GNRH1: variants seen among roughly 807,000 people sequenced by gnomAD.
GNRH1 encodes gonadotropin releasing hormone 1.
In GNRH1, 9 loss-of-function variants were observed where a neutral mutation model predicts 13.6. The ratio of observed to expected loss-of-function variants is 0.66; its 90% CI spans 0.40 to 1.15. The LOEUF (loss-of-function observed/expected upper bound fraction) is 1.15, where lower values mean the gene tolerates loss of function less well. GNRH1 is among the 50% of genes most tolerant of loss of function. The pLI is 0.01. For missense variants in GNRH1, 116 were observed against 110.8 expected, an observed-to-expected ratio of 1.05 and a Z score of -0.21; for synonymous variants, 44 against 40.1, an observed-to-expected ratio of 1.10 and a Z score of -0.37.
chr8:25,419,569 G>A lies in GNRH1; in HGVS notation c.238-109C>T. ...CAGTCTGGAAGGAATTGGTCTGTTT[G>A]ATTTTGTGCTCTAGTTAGTGCTAGG... On this transcript the variant is annotated intron_variant, in intron 3 of 3. Coordinates refer to ENST00000421054, the MANE Select transcript of GNRH1 (RefSeq NM_001083111.2). The A allele has an allele frequency of 1.7e-5, 12 of 726,196 alleles. No individual in the cohort carries two copies. In the South Asian group the frequency reaches 1.7e-4, roughly 10 times the overall value. The allele number at this position is 726,196 out of a possible 1,614,324, so 45.0% of individuals were successfully genotyped here.
rs764167821 is a variant in GNRH1, at chr8:25,419,392, A to G, written c.*27T>C. 1 of 1,244,594 alleles carries G rather than the reference A, an allele frequency of 8.0e-7. No individual in the cohort carries two copies. The highest frequency in any genetic ancestry group is 1.2e-6 in the Non-Finnish European group (1 of 842,446). The allele number at this position is 1,244,594 out of a possible 1,614,324, so 77.1% of individuals were successfully genotyped here. ...GAATTATACTTAAGTCATGTTAGTA[A>G]TGGTCATTCCTTCTGGCCCAATGGA... On this transcript the variant is annotated 3_prime_UTR_variant, in exon 4 of 4. Transcript: ENST00000421054.
chr8:25,422,708 C>A (rs1801789051), intron 2 of GNRH1, among the ~76,000 whole-genome samples: 2 of 152,088 alleles, frequency 1.3e-5, no homozygotes. Flanking sequence ...TCCAACTTTG[C>A]TTAAATGCCC....
chr8:25,421,676 A>C lies in GNRH1; in HGVS notation c.142-8T>G, dbSNP rs1373167168. 1.4e-6 allele frequency: 2 copies of C among 1,432,516 alleles called. No individual in the cohort carries two copies. Among genetic ancestry groups the C allele is most frequent in the African/African-American group, 2.8e-5 (2 of 71,086 alleles). 88.7% of individuals were successfully genotyped at this position (1,432,516 alleles called of 1,614,324 possible). ...ACCAACCTCTTTGACTATCTGAAGAAAGAGAATGTGATGCTTTGAGATGGA... is the reference window on the plus strand; with the variant it reads ...ACCAACCTCTTTGACTATCTGAAGACAGAGAATGTGATGCTTTGAGATGGA... On this transcript the variant is annotated splice_region_variant and splice_polypyrimidine_tract_variant and intron_variant, in intron 2 of 3. Coordinates refer to ENST00000421054, the MANE Select transcript of GNRH1 (RefSeq NM_001083111.2).
At chr8:25,421,937 G>C (rs1212902996) in intron 2 of GNRH1, among the ~76,000 whole-genome samples, 2 of 151,982 alleles carry the variant, frequency 1.3e-5, no homozygotes, top group African/African-American at 4.8e-5. Flanking sequence ...GGCACTTTGA[G>C]CCTCATGAGA....
intron 2 of GNRH1, 55 bp downstream of exon 2, chr8:25,423,135 A>T: frequency 8.0e-7 from 1 of 1,249,560 alleles, no homozygotes; most frequent in Non-Finnish European, 1.2e-6. Flanking sequence ...AATGTTTAAT[A>T]TAGTTAAATT....
chr8:25,423,553 C>T (rs1442098457), intron 1 of GNRH1: 2 of 581,024 alleles, frequency 3.4e-6, no homozygotes, highest in East Asian at 5.9e-5. Context: ...CTCACATGTT[C>T]AGGACCTTTT....
chr8:25,423,664 T>C, intron 1 of GNRH1: 1 of 316,870 alleles, frequency 3.2e-6, no homozygotes, highest in East Asian at 8.3e-5. Context: ...ACATTTCCCC[T>C]GTTGTGGATT....
Position 25,423,254 on chromosome 8 carries a change from C to G in GNRH1, c.77G>C (p.Trp26Ser). ...WCVEGCSSQHWSYGLRPGGKR... is the reference protein window; with the variant it reads ...WCVEGCSSQHSSYGLRPGGKR... ...TCCTCCAGGGCGCAGTCCATAGGAC[C>G]AGTGCTGGCTGGAGCAGCCTTCCAC... Residue 26 changes from tryptophan to serine, a missense_variant, in exon 2 of 4, where the codon TGG becomes TCG. Transcript: ENST00000421054. The G allele has an allele frequency of 6.2e-7, 1 of 1,612,090 alleles. No homozygotes were observed. The highest frequency in any genetic ancestry group is 1.3e-5 in the African/African-American group (1 of 75,012).
At chr8:25,424,724 G>C (rs1231121493), upstream of GNRH1, 2 of 152,104 alleles carry the variant, frequency 1.3e-5, no homozygotes, top group Non-Finnish European at 2.9e-5. Context: ...GTGTAGACTA[G>C]ATGGACTAGA....
Position 25,419,287 on chromosome 8 carries a change from A to C in GNRH1, c.*132T>G. On this transcript the variant is annotated 3_prime_UTR_variant, in exon 4 of 4. Transcript: ENST00000421054. ...TTCACAACACAGCACTTTATTATGG[A>C]ATATGTGCAACTTGGTGTAAGGATT... 1.4e-6 allele frequency: 1 copy of C among 724,832 alleles called. No homozygotes were observed. The highest frequency in any genetic ancestry group is 1.9e-5 in the Admixed American group (1 of 51,864). 44.9% of individuals were successfully genotyped at this position (724,832 alleles called of 1,614,324 possible). A position where few individuals can be genotyped will look rare whatever the true frequency, so the allele number is the denominator to read the frequency against.
intron 2 of GNRH1, 99 bp from the exon 3 acceptor site, chr8:25,421,767 A>C: frequency 3.8e-6 from 1 of 263,476 alleles, no homozygotes; most frequent in Non-Finnish European, 7.7e-6. Flanking sequence ...GTCAAGGGGG[A>C]TGTGGGGCTG....
intron 3 of GNRH1, among the ~76,000 whole-genome samples, chr8:25,420,871 G>C (rs1801760617): frequency 6.6e-6 from 1 of 152,094 alleles, no homozygotes; most frequent in Non-Finnish European, 1.5e-5. Flanking sequence ...CTAGCCCGGG[G>C]AACAGAGCAA....
intron 2 of GNRH1, among the ~76,000 whole-genome samples, chr8:25,421,991 T>C (rs1051251928): frequency 6.7e-5 from 9 of 133,616 alleles, no homozygotes; most frequent in African/African-American, 2.7e-4. Context: ...CCCCCAAGAG[T>C]TTATAGTTGT....
chr8:25,421,598 G>C lies in GNRH1; in HGVS notation c.212C>G (p.Pro71Arg). ...FECTTHQPRSPLRDLKGALES... is the reference protein window; with the variant it reads ...FECTTHQPRSRLRDLKGALES... Reference sequence around the variant, plus strand: ...CAGAGCTCCTTTCAGGTCTCGGAGGGGAGAACGTGGCTGGTGCGTGGTGCA... The same window carrying C: ...CAGAGCTCCTTTCAGGTCTCGGAGGCGAGAACGTGGCTGGTGCGTGGTGCA... The change falls in exon 3 of 4, where the codon CCC (proline) becomes CGC (arginine). Residue 71 changes from proline to arginine, a missense_variant. By Grantham distance (103) the Pro-to-Arg change is moderately radical. Transcript: ENST00000421054. The C allele has an allele frequency of 6.3e-7, 1 of 1,598,210 alleles. No homozygotes were observed. The highest frequency in any genetic ancestry group is 2.2e-5 in the East Asian group (1 of 44,802).
rs1362436796 is a variant in GNRH1, at chr8:25,423,243, G to T, written c.88C>A (p.Leu30Met). The T allele has an allele frequency of 6.2e-7, 1 of 1,612,262 alleles. No individual in the cohort carries two copies. Among genetic ancestry groups the T allele is most frequent in the African/African-American group, 1.3e-5 (1 of 74,904 alleles). ...GCSSQHWSYGLRPGGKRDAEN... is the reference protein window; with the variant it reads ...GCSSQHWSYGMRPGGKRDAEN... ...GCATCTCTCTTTCCTCCAGGGCGCAGTCCATAGGACCAGTGCTGGCTGGAG... is the reference window on the plus strand; with the variant it reads ...GCATCTCTCTTTCCTCCAGGGCGCATTCCATAGGACCAGTGCTGGCTGGAG... Residue 30 changes from leucine (L) to methionine (M), a missense_variant, in exon 2 of 4, where the codon CTG (leucine) becomes ATG (methionine). Coordinates refer to ENST00000421054, the MANE Select transcript of GNRH1 (RefSeq NM_001083111.2).
chr8:25,421,615 C>A lies in GNRH1; in HGVS notation c.195G>T (p.Thr65=), dbSNP rs577363506. The A allele has an allele frequency of 1.2e-5, 20 of 1,605,826 alleles. No individual in the cohort carries two copies. The African/African-American group carries it at 2.5e-4, about 20-fold the overall frequency. Residue 65 remains threonine (T), a synonymous_variant, in exon 3 of 4, where the codon ACG becomes ACT. Transcript: ENST00000421054. ...CTCGGAGGGGAGAACGTGGCTGGTG[C>A]GTGGTGCATTCGAAGCGTTGGGTTT... ...LAETQRFECT[T]HQPRSPLRDL... is the part of the protein sequence containing the mutation.
chr8:25,422,593 G>T (rs1006949), intron 2 of GNRH1, among the ~76,000 whole-genome samples: 1 of 152,118 alleles, frequency 6.6e-6, no homozygotes, highest in Non-Finnish European at 1.5e-5. Flanking sequence ...TCACGTTAGT[G>T]TTGGTGCCAG....
At position 25,422,278 on chromosome 8, in the gene GNRH1, T is replaced by C. The variant is rs1404288642; in HGVS notation, c.142-610A>G. On this transcript the variant is annotated intron_variant, in intron 2 of 3. Transcript: ENST00000421054. The stretch of plus-strand genomic sequence containing the variant: ...ATGACCCTGATGAGTGGTCATATTT[T>C]ATAAACAAAAATCCTCCCGGCACTT... Among the ~76,000 whole-genome samples the C allele has an allele frequency of 2.0e-5, 3 of 152,272 alleles. No individual in the cohort carries two copies. The East Asian group carries it at 5.8e-4, about 30-fold the overall frequency.
chr8:25,422,762 A>G (rs1200788062), intron 2 of GNRH1, among the ~76,000 whole-genome samples: 4 of 152,194 alleles, frequency 2.6e-5, no homozygotes, highest in African/African-American at 9.7e-5. Flanking sequence ...CTTGATAAGG[A>G]TACTCATTTA....
Sources: allele counts gnomAD v4.1 joint callset (sites outside exome capture counted in the v4.1 genomes callset), GRCh38; gene constraint gnomAD v4.1.1; transcripts MANE v1.5; gene names NCBI Gene and HGNC (gene_info 2026-07-23, HGNC 2026-07-21).